Variants in NFATC2 observed in about 807,000 individuals in gnomAD.
NFATC2 encodes nuclear factor of activated T-cells, cytoplasmic 2.
A neutral mutation model predicts 87.3 loss-of-function variants in NFATC2; 22 were observed. That is an observed-to-expected ratio of 0.25 (90% CI 0.18 to 0.36). The LOEUF is 0.36. NFATC2 is among the 10% of genes least tolerant of loss of function. NFATC2 has a pLI of 1.00. For missense variants in NFATC2, 1,149 were observed against 1,259.1 expected, an observed-to-expected ratio of 0.91 and a Z score of 1.32; for synonymous variants, 565 against 542.2, an observed-to-expected ratio of 1.04 and a Z score of -0.58.
intron 1 of NFATC2, among the ~76,000 whole-genome samples, chr20:51,528,389 AAC>A (rs908962202): frequency 1.3e-5 from 2 of 149,404 alleles, no homozygotes; most frequent in African/African-American, 2.4e-5. Flanking sequence ...GATGTACACA[AAC>A]ACAGAGAGAT....
chr20:51,532,138 G>C (rs2076643325), intron 1 of NFATC2, among the ~76,000 whole-genome samples: 1 of 152,042 alleles, frequency 6.6e-6, no homozygotes, highest in Non-Finnish European at 1.5e-5. Flanking sequence ...TTTATATCGA[G>C]AACTGTACGC....
chr20:51,530,476 C>T (rs1248621724), intron 1 of NFATC2, among the ~76,000 whole-genome samples: 2 of 152,132 alleles, frequency 1.3e-5, no homozygotes, highest in African/African-American at 4.8e-5. Context: ...GCCTGAAACT[C>T]CACTCCTTCT....
chr20:51,466,188 G>T (rs577461816), intron 5 of NFATC2, among the ~76,000 whole-genome samples: 2 of 152,210 alleles, frequency 1.3e-5, no homozygotes, highest in African/African-American at 4.8e-5. Context: ...GAGTAGCTGG[G>T]GTTACAGGTG....
chr20:51,530,796 C>G (rs994939582), intron 1 of NFATC2, among the ~76,000 whole-genome samples: 1 of 152,116 alleles, frequency 6.6e-6, no homozygotes, highest in Non-Finnish European at 1.5e-5. Flanking sequence ...TGAGCCACCC[C>G]CTCCTGGAGG....
intron 9 of NFATC2, among the ~76,000 whole-genome samples, chr20:51,428,893 C>A (rs533496769): frequency 6.6e-6 from 1 of 152,220 alleles, no homozygotes; most frequent in Non-Finnish European, 1.5e-5. Flanking sequence ...CAGCACAGCA[C>A]GCTGGGGTTT....
intron 9 of NFATC2, among the ~76,000 whole-genome samples, chr20:51,409,175 G>C (rs998125136): frequency 1.3e-5 from 2 of 152,168 alleles, no homozygotes; most frequent in Non-Finnish European, 2.9e-5. Context: ...ATTTGGTATC[G>C]TCTACTAAAG....
intron 3 of NFATC2, among the ~76,000 whole-genome samples, chr20:51,515,498 A>G (rs1226899024): frequency 6.6e-6 from 1 of 152,254 alleles, no homozygotes; most frequent in Non-Finnish European, 1.5e-5. Flanking sequence ...TGTGCTTTCC[A>G]CAGATCCACC....
intron 1 of NFATC2, among the ~76,000 whole-genome samples, chr20:51,528,416 CACAG>C (rs11468155): frequency 0.39 from 58,833 of 151,752 alleles, 11,688 homozygotes; most frequent in South Asian, 0.46. Context: ...ACACAATGTA[CACAG>C]ACAGATGTAC....
intron 1 of NFATC2, among the ~76,000 whole-genome samples, chr20:51,528,706 T>A (rs1400737773): frequency 6.6e-6 from 1 of 152,212 alleles, no homozygotes; most frequent in African/African-American, 2.4e-5. Flanking sequence ...GAAACATTTT[T>A]AATTTTATTT....
At chr20:51,512,132 T>A (rs1220561628) in intron 3 of NFATC2, among the ~76,000 whole-genome samples, 1 of 152,202 alleles carries the variant, frequency 6.6e-6, no homozygotes, top group African/African-American at 2.4e-5. Flanking sequence ...TCTTTGCTGG[T>A]TCTATGACCT....
intron 10 of NFATC2, 23 bp from the exon 11 acceptor site, chr20:51,391,474 G>GGGC (rs1555861937): frequency 4.4e-6 from 7 of 1,585,032 alleles, no homozygotes; most frequent in Middle Eastern, 2.0e-4. Context: ...AGAGGAGGGG[G>GGGC]GGGGAGAGAG....
rs906525340 is a variant in NFATC2, at chr20:51,432,463, A to G, written c.2326T>C (p.Ser776Pro). ...QQPALMAAPL[S>P]LADAHRSVLV... ...ACAGAGCGGTGAGCGTCCGCAAGGG[A>G]CAGCGGGGCGGCCATGAGGGCCGGC... Residue 776 changes from serine (S) to proline (P), a missense_variant, in exon 9 of 11, where the codon TCC becomes CCC. By Grantham distance (74) the Ser-to-Pro change is moderately conservative (BLOSUM62 -1). Coordinates refer to ENST00000371564, the MANE Select transcript of NFATC2 (RefSeq NM_012340.5). The surrounding 1 kb of genome is among the most constrained non-coding windows in gnomAD (Gnocchi z 4.6). 2 of 1,560,232 alleles carry G rather than the reference A, an allele frequency of 1.3e-6. No individual in the cohort carries two copies. Among genetic ancestry groups the G allele is most frequent in the Non-Finnish European group, 1.7e-6 (2 of 1,152,404 alleles).
intron 1 of NFATC2, among the ~76,000 whole-genome samples, chr20:51,560,363 A>G (rs567507487): frequency 2.6e-5 from 4 of 152,202 alleles, no homozygotes; most frequent in Non-Finnish European, 5.9e-5. Context: ...TTGGGAGAGA[A>G]CAAAGCTCAC....
intron 9 of NFATC2, among the ~76,000 whole-genome samples, chr20:51,421,701 G>A (rs987108931): frequency 6.6e-6 from 1 of 152,208 alleles, no homozygotes; most frequent in Non-Finnish European, 1.5e-5. Context: ...TCTAAGCAAA[G>A]TCAGAAATCC....
intron 3 of NFATC2, among the ~76,000 whole-genome samples, chr20:51,476,051 G>A (rs1568665320): frequency 6.7e-6 from 1 of 149,030 alleles, no homozygotes; most frequent in East Asian, 2.0e-4. Flanking sequence ...TGCCTGAGAA[G>A]ATCAGAAGAA....
At chr20:51,465,847 G>A (rs1987628621) in intron 5 of NFATC2, among the ~76,000 whole-genome samples, 1 of 151,928 alleles carries the variant, frequency 6.6e-6, no homozygotes, top group African/African-American at 2.4e-5. Context: ...GTGAGGGCAG[G>A]GACTTTGTTT....
intron 1 of NFATC2, among the ~76,000 whole-genome samples, chr20:51,535,778 T>C (rs2076710587): frequency 6.6e-6 from 1 of 152,250 alleles, no homozygotes; most frequent in Non-Finnish European, 1.5e-5. Context: ...TTCTCACTTT[T>C]GCAGGCATGC....
At chr20:51,530,508 G>A (rs998556812) in intron 1 of NFATC2, among the ~76,000 whole-genome samples, 15 of 152,242 alleles carry the variant, frequency 9.9e-5, no homozygotes, top group African/African-American at 3.6e-4. Context: ...AGAGAAAATA[G>A]CGCTGAAAAA....
At chr20:51,501,037 G>T (rs1196274207) in intron 3 of NFATC2, among the ~76,000 whole-genome samples, 1 of 151,036 alleles carries the variant, frequency 6.6e-6, no homozygotes, top group Non-Finnish European at 1.5e-5. Flanking sequence ...CCAGTGCAAA[G>T]ACTGAGGAAC....
Sources: allele counts gnomAD v4.1 joint callset (sites outside exome capture counted in the v4.1 genomes callset), GRCh38; gene constraint gnomAD v4.1.1; non-coding constraint Gnocchi (gnomAD v3.1); transcripts MANE v1.5; gene names NCBI Gene and HGNC (gene_info 2026-07-23, HGNC 2026-07-21).